The following ULK4 variants were observed in gnomAD, a reference collection of about 807,000 sequenced individuals.
ULK4 encodes the protein inactive serine/threonine-protein kinase ULK4.
ULK4 carries 133 observed loss-of-function variants against 160.6 expected under a neutral mutation model. The observed-to-expected ratio is 0.83, with a 90% CI of 0.72 to 0.96. The LOEUF is 0.96. Ranked by LOEUF, ULK4 falls within the 40% of genes least tolerant of loss-of-function variation. The pLI, the probability that ULK4 is intolerant of heterozygous loss-of-function variation, is 0.00. For synonymous variants in ULK4, 534 were observed against 539.8 expected (o/e 0.99, Z 0.15); for missense variants, 1,580 against 1,499.5 (o/e 1.05, Z -0.89).
chr3:41,292,521 C>T (rs941577543), intron 35 of ULK4, among the ~76,000 whole-genome samples: 1 of 152,164 alleles, frequency 6.6e-6, no homozygotes, highest in African/African-American at 2.4e-5. Flanking sequence ...TGGCAGGCAC[C>T]TGTAATTCCA....
intron 17 of ULK4, among the ~76,000 whole-genome samples, chr3:41,871,523 T>G (rs1697091440): frequency 6.6e-6 from 1 of 152,220 alleles, no homozygotes; most frequent in South Asian, 2.1e-4. Context: ...TGACAGCACT[T>G]GGTGCTGCCA....
chr3:41,949,741 T>TTTTC (rs1403147591), intron 2 of ULK4, among the ~76,000 whole-genome samples: 1 of 147,694 alleles, frequency 6.8e-6, no homozygotes, highest in Non-Finnish European at 1.5e-5. Flanking sequence ...GCCTTTTTTT[T>TTTTC]TTTCTTTCTT....
rs561525724 is a variant in ULK4, at chr3:41,675,171, T to C, written c.2978+6337A>G. ...AGGAGAATCGCCTGAACCCAGGAAA[T>C]GGAGGTTGCAATGAGCCGAGATCAT... On this transcript the variant is annotated intron_variant, in intron 29 of 36. Transcript: ENST00000301831. Among the ~76,000 whole-genome samples, 100 of 148,740 alleles carry C rather than the reference T, an allele frequency of 6.7e-4. No individual in the cohort carries two copies. In the Middle Eastern group the frequency reaches 0.011, roughly 17 times the overall value.
chr3:41,889,447 G>C (rs1011977449), intron 16 of ULK4, among the ~76,000 whole-genome samples: 1 of 152,078 alleles, frequency 6.6e-6, no homozygotes, highest in Admixed American at 6.5e-5. Context: ...CCAAGCTTGA[G>C]AGCTCAAAGA....
intron 34 of ULK4, among the ~76,000 whole-genome samples, chr3:41,452,225 A>G (rs1485719636): frequency 6.6e-6 from 1 of 152,186 alleles, no homozygotes; most frequent in Non-Finnish European, 1.5e-5. Flanking sequence ...CTCCCTAGGC[A>G]GCACCTAGGC....
intron 27 of ULK4, among the ~76,000 whole-genome samples, chr3:41,682,539 C>G (rs1028170842): frequency 6.6e-6 from 1 of 152,202 alleles, no homozygotes; most frequent in South Asian, 2.1e-4. Context: ...CACAGCCAAA[C>G]GACATCTTGC....
At chr3:41,943,220 A>AG (rs879584397) in intron 2 of ULK4, among the ~76,000 whole-genome samples, 118 of 152,012 alleles carry the variant, frequency 7.8e-4, no homozygotes, top group South Asian at 3.9e-3. Flanking sequence ...CTCAAAAAAA[A>AG]AAAAAAAAGA....
intron 16 of ULK4, among the ~76,000 whole-genome samples, 183 bp downstream of exon 16, chr3:41,895,335 G>A (rs73087378): frequency 0.13 from 19,047 of 152,056 alleles, 1,376 homozygotes; most frequent in Middle Eastern, 0.27. Flanking sequence ...TAGGAGAAGG[G>A]CTATTTTTAA....
chr3:41,690,020 A>C (rs1325354885), intron 27 of ULK4, among the ~76,000 whole-genome samples: 1 of 148,892 alleles, frequency 6.7e-6, no homozygotes, highest in Non-Finnish European at 1.5e-5. Flanking sequence ...TATTCACAAT[A>C]GCAAAGACTT....
At chr3:41,625,656 G>A (rs184251257) in intron 30 of ULK4, among the ~76,000 whole-genome samples, 4 of 152,194 alleles carry the variant, frequency 2.6e-5, no homozygotes, top group Admixed American at 6.5e-5. Context: ...AAATAATGAC[G>A]CAAAAGACTC....
chr3:41,479,396 T>A (rs1327195378), intron 32 of ULK4, among the ~76,000 whole-genome samples: 1 of 152,208 alleles, frequency 6.6e-6, no homozygotes, highest in South Asian at 2.1e-4. Flanking sequence ...ACAGCCCATA[T>A]AAATATATTG....
intron 27 of ULK4, among the ~76,000 whole-genome samples, chr3:41,683,713 G>C (rs1467875181): frequency 6.6e-6 from 1 of 151,866 alleles, no homozygotes; most frequent in Non-Finnish European, 1.5e-5. Context: ...AGCCTCAGTA[G>C]ACACCCATGT....
chr3:41,931,470 T>TAAATA (rs55969147), intron 5 of ULK4, among the ~76,000 whole-genome samples: 1,624 of 126,978 alleles, frequency 0.013, 54 homozygotes, highest in South Asian at 0.018. Context: ...CCCTAGAACT[T>TAAATA]AAAAAAAAAA....
intron 20 of ULK4, among the ~76,000 whole-genome samples, chr3:41,797,803 G>A (rs1423990428): frequency 1.3e-5 from 2 of 152,052 alleles, no homozygotes; most frequent in African/African-American, 4.8e-5. Flanking sequence ...AGAGGTTGCA[G>A]TGAGCCAAGA....
At chr3:41,262,618 G>A (rs1033529065) in intron 35 of ULK4, among the ~76,000 whole-genome samples, 1 of 152,142 alleles carries the variant, frequency 6.6e-6, no homozygotes, top group Non-Finnish European at 1.5e-5. Context: ...AGAGGCTACA[G>A]AAGTAACATG....
intron 31 of ULK4, among the ~76,000 whole-genome samples, chr3:41,593,966 G>C (rs1319263017): frequency 6.6e-6 from 1 of 151,904 alleles, no homozygotes; most frequent in African/African-American, 2.4e-5. Flanking sequence ...GATGGATTGA[G>C]CCTGGGAGGC....
At chr3:41,895,044 A>T (rs1012863932) in intron 16 of ULK4, among the ~76,000 whole-genome samples, 2 of 152,218 alleles carry the variant, frequency 1.3e-5, no homozygotes, top group East Asian at 1.9e-4. Context: ...TGGCCAAGGG[A>T]AACTTCGAGG....
intron 34 of ULK4, among the ~76,000 whole-genome samples, chr3:41,451,040 C>A (rs17057413): frequency 0.25 from 37,734 of 151,990 alleles, 4,956 homozygotes; most frequent in African/African-American, 0.32. Flanking sequence ...TAATCACCTG[C>A]CCTGAACACT....
intron 30 of ULK4, among the ~76,000 whole-genome samples, chr3:41,647,910 CT>C (rs1334259036): frequency 6.6e-6 from 1 of 152,232 alleles, no homozygotes; most frequent in Admixed American, 6.5e-5. Context: ...GCGGGCGCCC[CT>C]CCCCCAGCCT....
Sources: gnomAD v4.1 joint callset for allele counts (sites outside exome capture counted in the v4.1 genomes callset) on GRCh38, gnomAD v4.1.1 for gene constraint, MANE v1.5 for transcripts, NCBI Gene and HGNC (gene_info 2026-07-23, HGNC 2026-07-21) for gene names.